Variants in FOXP2 observed in about 807,000 individuals in gnomAD.
FOXP2 encodes forkhead box protein P2.
FOXP2 carries 12 observed loss-of-function variants against 115.8 expected under a neutral mutation model. That is an observed-to-expected ratio of 0.10 (90% CI 0.07 to 0.17). The LOEUF (loss-of-function observed/expected upper bound fraction) is 0.17, where lower values mean the gene tolerates loss of function less well. Among genes scored for constraint, FOXP2 ranks in the 10% least tolerant of loss-of-function variants. FOXP2 has a pLI of 1.00. For synonymous variants in FOXP2, 328 were observed against 297.7 expected (o/e 1.10, Z -1.05); for missense variants, 629 against 843.5 (o/e 0.75, Z 3.15).
At chr7:114,345,227 G>A (rs903745165) in intron 2 of FOXP2, among the ~76,000 whole-genome samples, 2 of 151,746 alleles carry the variant, frequency 1.3e-5, no homozygotes, top group African/African-American at 2.4e-5. Flanking sequence ...GAAATTGGAT[G>A]TGTCCAAAAT....
intron 1 of FOXP2, among the ~76,000 whole-genome samples, chr7:114,105,908 A>G (rs1791099730): frequency 6.6e-6 from 1 of 152,044 alleles, no homozygotes; most frequent in South Asian, 2.1e-4. Context: ...TCCTCTGTAT[A>G]TTTCACACTA....
At chr7:114,549,670 A>G (rs1303974686) in intron 3 of FOXP2, among the ~76,000 whole-genome samples, 6 of 152,206 alleles carry the variant, frequency 3.9e-5, no homozygotes, top group African/African-American at 1.4e-4. Context: ...CAGACCTCTC[A>G]TAATAGGTCT....
chr7:114,088,816 A>T (rs1799481513), intron 1 of FOXP2, among the ~76,000 whole-genome samples: 1 of 152,230 alleles, frequency 6.6e-6, no homozygotes, highest in African/African-American at 2.4e-5. Flanking sequence ...TAATGTTGTT[A>T]AACACAATTA....
intron 2 of FOXP2, among the ~76,000 whole-genome samples, chr7:114,405,749 G>A (rs893429475): frequency 4.6e-5 from 7 of 151,636 alleles, no homozygotes; most frequent in East Asian, 1.9e-4. Flanking sequence ...CTATTTTTTC[G>A]TTAGTATTTA....
At chr7:114,342,317 G>T (rs1527143) in intron 2 of FOXP2, among the ~76,000 whole-genome samples, 152 of 151,308 alleles carry the variant, frequency 1.0e-3, no homozygotes, top group African/African-American at 3.3e-3. Flanking sequence ...TATTACACAT[G>T]ATAGTATTTA....
At chr7:114,430,913 A>G (rs1794078639) in intron 2 of FOXP2, among the ~76,000 whole-genome samples, 1 of 152,006 alleles carries the variant, frequency 6.6e-6, no homozygotes, top group Non-Finnish European at 1.5e-5. Context: ...AAGATCCACA[A>G]CAAAATGGTA....
chr7:114,176,282 TTCTTTCTTTCTTTCTTTC>T (rs1302950940), intron 1 of FOXP2, among the ~76,000 whole-genome samples: 18 of 41,076 alleles, frequency 4.4e-4, no homozygotes, highest in Admixed American at 2.8e-4. Context: ...CTTTCTTTCT[TTCTTTCTTTCTTTCTTTC>T]TCTCTCTCTC....
intron 6 of FOXP2, among the ~76,000 whole-genome samples, chr7:114,634,666 A>G (rs1805117141): frequency 6.6e-6 from 1 of 152,048 alleles, no homozygotes; most frequent in African/African-American, 2.4e-5. Flanking sequence ...TGTCAAATAG[A>G]AAGGATGGAT....
chr7:114,596,516 A>T (rs1802720057), intron 3 of FOXP2, among the ~76,000 whole-genome samples: 1 of 152,152 alleles, frequency 6.6e-6, no homozygotes, highest in Admixed American at 6.6e-5. Flanking sequence ...GCAAGCCATT[A>T]TGTATCTGAC....
intron 1 of FOXP2, among the ~76,000 whole-genome samples, chr7:114,172,563 C>G (rs1357196605): frequency 2.0e-5 from 3 of 151,990 alleles, no homozygotes; most frequent in African/African-American, 7.3e-5. Context: ...ATGTACCGCA[C>G]TAATGTAATA....
At chr7:114,500,311 G>C (rs1408289387) in intron 2 of FOXP2, among the ~76,000 whole-genome samples, 1 of 151,244 alleles carries the variant, frequency 6.6e-6, no homozygotes, top group Admixed American at 6.6e-5. Context: ...TTTTTTCGTC[G>C]TCAGTGAGGC....
chr7:114,581,121 A>T (rs1045631693), intron 3 of FOXP2, among the ~76,000 whole-genome samples: 3 of 150,956 alleles, frequency 2.0e-5, no homozygotes, highest in African/African-American at 4.9e-5. Flanking sequence ...ACACGGACAG[A>T]TTGGATTTGT....
At chr7:114,396,086 C>G (rs904514035) in intron 2 of FOXP2, among the ~76,000 whole-genome samples, 2 of 151,924 alleles carry the variant, frequency 1.3e-5, no homozygotes, top group Non-Finnish European at 2.9e-5. Flanking sequence ...CCCTATTGTG[C>G]TATCAAATAG....
chr7:114,544,586 G>C (rs1799828201), intron 3 of FOXP2, among the ~76,000 whole-genome samples: 1 of 152,202 alleles, frequency 6.6e-6, no homozygotes, highest in Non-Finnish European at 1.5e-5. Flanking sequence ...TCTACTGCTA[G>C]TGCTACTGCA....
intron 1 of FOXP2, among the ~76,000 whole-genome samples, chr7:114,274,224 C>T (rs376173932): frequency 6.6e-6 from 1 of 151,976 alleles, no homozygotes. Flanking sequence ...CTCTCCCATT[C>T]TTTGTATTAC....
chr7:114,450,205 A>T (rs759528988), intron 2 of FOXP2, among the ~76,000 whole-genome samples: 7 of 152,130 alleles, frequency 4.6e-5, no homozygotes, highest in Non-Finnish European at 7.4e-5. Context: ...CCAAAAACAT[A>T]TGTCCTTCCT....
intron 1 of FOXP2, among the ~76,000 whole-genome samples, chr7:114,130,556 A>G: frequency 6.6e-6 from 1 of 152,210 alleles, no homozygotes; most frequent in East Asian, 1.9e-4. Context: ...ATTCCTAGTT[A>G]AGTGTTAATT....
At chr7:114,471,646 T>A (rs1462285746) in intron 2 of FOXP2, among the ~76,000 whole-genome samples, 1 of 152,092 alleles carries the variant, frequency 6.6e-6, no homozygotes, top group Non-Finnish European at 1.5e-5. Context: ...CTTGTTCCTT[T>A]CCTTAAGACT....
chr7:114,534,967 T>C (rs559169897), intron 3 of FOXP2, among the ~76,000 whole-genome samples: 38 of 151,922 alleles, frequency 2.5e-4, no homozygotes, highest in African/African-American at 8.4e-4. Flanking sequence ...GCATAAAGAA[T>C]TTTGCATAAA....
Sources: allele counts gnomAD v4.1 joint callset (sites outside exome capture counted in the v4.1 genomes callset), GRCh38; gene constraint gnomAD v4.1.1; transcripts MANE v1.5; gene names NCBI Gene and HGNC (gene_info 2026-07-23, HGNC 2026-07-21).